HDAC4: variants seen among roughly 807,000 people sequenced by gnomAD.
HDAC4 encodes the protein histone deacetylase A.
Under a neutral mutation model 135.1 loss-of-function variants are expected in HDAC4, and 16 were observed. The ratio of observed to expected loss-of-function variants is 0.12; its 90% CI spans 0.08 to 0.18. HDAC4 has a LOEUF of 0.18. Ranked by LOEUF, HDAC4 falls within the 10% of genes least tolerant of loss-of-function variation. HDAC4 has a pLI of 1.00. For synonymous variants in HDAC4, 685 were observed against 653.4 expected, an observed-to-expected ratio of 1.05 and a Z score of -0.74; for missense variants, 1,143 against 1,511.8, an observed-to-expected ratio of 0.76 and a Z score of 4.05.
intron 1 of HDAC4, among the ~76,000 whole-genome samples, chr2:239,382,169 G>GT (rs1479608525): frequency 6.6e-6 from 1 of 152,238 alleles, no homozygotes; most frequent in Admixed American, 6.5e-5. Flanking sequence ...CTGCACCCAC[G>GT]TAACAGATTA....
chr2:239,056,689 CTG>C (rs1316036136), intron 24 of HDAC4, among the ~76,000 whole-genome samples: 2 of 152,260 alleles, frequency 1.3e-5, no homozygotes, highest in Non-Finnish European at 2.9e-5. Context: ...CTCTCCAACT[CTG>C]TCCCCCTGAG....
intron 2 of HDAC4, among the ~76,000 whole-genome samples, chr2:239,243,631 GAC>G (rs2048315943): frequency 6.6e-6 from 1 of 152,166 alleles, no homozygotes; most frequent in African/African-American, 2.4e-5. Context: ...AAACAGTAAC[GAC>G]ACAGTCTTCA....
chr2:239,153,945 G>A (rs1022759909), intron 7 of HDAC4, among the ~76,000 whole-genome samples: 2 of 152,242 alleles, frequency 1.3e-5, no homozygotes, highest in Non-Finnish European at 2.9e-5. Context: ...CGTCTCCCAT[G>A]CTGATAGCCT....
At chr2:239,291,238 C>T (rs1039594900) in intron 2 of HDAC4, among the ~76,000 whole-genome samples, 7 of 152,210 alleles carry the variant, frequency 4.6e-5, no homozygotes, top group Non-Finnish European at 7.3e-5. Flanking sequence ...AAAAGCATGG[C>T]GGGTAAGAAC....
intron 1 of HDAC4, among the ~76,000 whole-genome samples, chr2:239,369,097 GGAATCCTCTCTGTTTGACAA>G (rs1305288004): frequency 1.3e-5 from 2 of 152,282 alleles, no homozygotes; most frequent in South Asian, 2.1e-4. Context: ...CCGGCAGGGA[GGAATCCTCTCTGTTTGACAA>G]GACACAGACA....
chr2:239,264,134 C>T (rs2049563323), intron 2 of HDAC4, among the ~76,000 whole-genome samples: 2 of 152,206 alleles, frequency 1.3e-5, no homozygotes, highest in African/African-American at 4.8e-5. Context: ...GGGAGACGGG[C>T]TCTGGCCTCA....
At chr2:239,152,849 G>A (rs780966289) in intron 7 of HDAC4, among the ~76,000 whole-genome samples, 8 of 152,200 alleles carry the variant, frequency 5.3e-5, no homozygotes, top group East Asian at 1.9e-4. Flanking sequence ...CCCTAACAGC[G>A]TAGAGAAACA....
intron 7 of HDAC4, among the ~76,000 whole-genome samples, chr2:239,155,191 G>A (rs1166169437): frequency 6.7e-6 from 1 of 149,470 alleles, no homozygotes; most frequent in Non-Finnish European, 1.5e-5. Flanking sequence ...GACCCAATAC[G>A]GCCCACTGCT....
At position 239,111,602 on chromosome 2, in the gene HDAC4, C is replaced by A. The variant is rs775561072; in HGVS notation, c.1902G>T (p.Arg634=). 1 of 1,611,574 alleles carries A rather than the reference C, an allele frequency of 6.2e-7. No individual in the cohort carries two copies. The highest frequency in any genetic ancestry group is 8.5e-7 in the Non-Finnish European group (1 of 1,179,450). ...VSFGGHRPLS[R]AQSSPASATF... Reference sequence around the variant, plus strand: ...TGGCAGACGCGGGTGAGGACTGCGCCCGGGACAGAGGCCTGTGGCCGCCGA... The same window carrying A: ...TGGCAGACGCGGGTGAGGACTGCGCACGGGACAGAGGCCTGTGGCCGCCGA... The change falls in exon 14 of 27, where the codon CGG becomes CGT. Residue 634 remains arginine (R), a synonymous_variant. Coordinates refer to ENST00000543185, the MANE Select transcript of HDAC4 (RefSeq NM_001378414.1).
chr2:239,383,398 G>A (rs1043697353), intron 1 of HDAC4, among the ~76,000 whole-genome samples: 6 of 152,148 alleles, frequency 3.9e-5, no homozygotes, highest in Non-Finnish European at 8.8e-5. Flanking sequence ...GCTGCCTCTC[G>A]GGAGATGGAG....
In HDAC4 at chr2:239,228,705, C is replaced by G. The variant is rs79715721; in HGVS notation, c.94+7888G>C. ...TATGAACAGACCTTGAAAAATAACA[C>G]CTTTTGAAATTCTTAAGAGGTAATA... On this transcript the variant is annotated intron_variant, in intron 3 of 26. Transcript: ENST00000543185. Among the ~76,000 whole-genome samples, 1,349 of 152,188 alleles carry G rather than the reference C, an allele frequency of 8.9e-3. 38 individuals carry two copies. The highest frequency in any genetic ancestry group is 0.051 in the Admixed American group (777 of 15,288).
At chr2:239,278,876 C>CAGTA (rs569125889) in intron 2 of HDAC4, among the ~76,000 whole-genome samples, 221 of 152,124 alleles carry the variant, frequency 1.5e-3, no homozygotes, top group African/African-American at 5.1e-3. Flanking sequence ...AAGCCAGGTG[C>CAGTA]AGTAGTGTGG....
intron 8 of HDAC4, among the ~76,000 whole-genome samples, chr2:239,140,304 C>T (rs758900738): frequency 3.3e-5 from 5 of 152,168 alleles, no homozygotes; most frequent in Admixed American, 6.5e-5. Flanking sequence ...GAGATCTATC[C>T]GTGCTACTGG....
At chr2:239,095,939 C>T (rs570245274) in intron 16 of HDAC4, among the ~76,000 whole-genome samples, 7 of 152,170 alleles carry the variant, frequency 4.6e-5, no homozygotes, top group Admixed American at 1.3e-4. Context: ...CTCACATGCT[C>T]CAGGGAGACT....
chr2:239,247,603 G>A (rs1399699301), intron 2 of HDAC4, among the ~76,000 whole-genome samples: 1 of 152,178 alleles, frequency 6.6e-6, no homozygotes, highest in Non-Finnish European at 1.5e-5. Flanking sequence ...CTATACAGAC[G>A]AACCATTCTC....
At chr2:239,132,427 T>C (rs934367400) in intron 11 of HDAC4, among the ~76,000 whole-genome samples, 12 of 152,160 alleles carry the variant, frequency 7.9e-5, no homozygotes, top group African/African-American at 2.7e-4. Flanking sequence ...GAGAAGGGGC[T>C]TGCAGGGTTT....
chr2:239,202,535 G>A (rs1314718682), intron 3 of HDAC4, among the ~76,000 whole-genome samples: 1 of 152,152 alleles, frequency 6.6e-6, no homozygotes, highest in Non-Finnish European at 1.5e-5. Context: ...AGGGCAACCG[G>A]AGCTCTGGGA....
chr2:239,226,926 T>C (rs753495519), intron 3 of HDAC4, among the ~76,000 whole-genome samples: 2 of 152,184 alleles, frequency 1.3e-5, no homozygotes, highest in Admixed American at 6.5e-5. Context: ...CACAATCACG[T>C]TGTCAGGATC....
chr2:239,232,947 C>T (rs1041250721), intron 3 of HDAC4, among the ~76,000 whole-genome samples: 4 of 138,694 alleles, frequency 2.9e-5, no homozygotes, highest in Non-Finnish European at 6.3e-5. Context: ...GGTGGCCCTT[C>T]CCTCACCAAG....
Sources: allele counts gnomAD v4.1 joint callset (sites outside exome capture counted in the v4.1 genomes callset), GRCh38; gene constraint gnomAD v4.1.1; transcripts MANE v1.5; gene names NCBI Gene and HGNC (gene_info 2026-07-23, HGNC 2026-07-21).